Variants in MAP3K1 observed in about 807,000 individuals in gnomAD.
MAP3K1 encodes mitogen-activated protein kinase kinase kinase 1.
MAP3K1 carries 36 observed loss-of-function variants against 144.2 expected under a neutral mutation model. That is an observed-to-expected ratio of 0.25 (90% CI 0.19 to 0.33). MAP3K1 has a LOEUF of 0.33. Among genes scored for constraint, MAP3K1 ranks in the 10% least tolerant of loss-of-function variants. The probability of loss-of-function intolerance (pLI) is 1.00; values close to 1 mark genes in which losing one functional copy is unlikely to be tolerated. For missense variants in MAP3K1, 1,650 were observed against 1,881.9 expected (o/e 0.88, Z 2.28); for synonymous variants, 718 against 688.7 (o/e 1.04, Z -0.67).
Position 56,882,157 on chromosome 5 carries a change from C to G in MAP3K1, c.2957C>G (p.Pro986Arg). ...SQLMFPALSTPSSSTPSVPAG... is the reference protein window; with the variant it reads ...SQLMFPALSTRSSSTPSVPAG... ...TTAATGTTTCCAGCCTTGTCAACCC[C>G]TTCTTCTTCTACCCCATCTGTACCA... Residue 986 changes from proline to arginine, a missense_variant, in exon 14 of 20, where the codon CCT becomes CGT. Pro to Arg is a moderately radical substitution (Grantham distance 103). Around this residue, in one of 6 missense-constraint regions of MAP3K1, gnomAD observed 841 missense variants for 886.5 expected, o/e 0.95. Transcript: ENST00000399503. The G allele has an allele frequency of 6.2e-7, 1 of 1,614,032 alleles. No individual in the cohort carries two copies. Among genetic ancestry groups the G allele is most frequent in the Non-Finnish European group, 8.5e-7 (1 of 1,179,940 alleles).
At position 56,875,342 on chromosome 5, in the gene MAP3K1, A is replaced by G. The variant is rs757341573; in HGVS notation, c.1965+32A>G. The G allele has an allele frequency of 3.1e-6, 5 of 1,611,264 alleles. No individual in the cohort carries two copies. In the South Asian group the frequency reaches 4.4e-5, roughly 14 times the overall value. ...AGCTTTATTCCATAATCATATCATTATGGGTTTGGGGTTTTTTGATGGTTC... is the reference window on the plus strand; with the variant it reads ...AGCTTTATTCCATAATCATATCATTGTGGGTTTGGGGTTTTTTGATGGTTC... On this transcript the variant is annotated intron_variant, in intron 10 of 19. Coordinates refer to ENST00000399503, the MANE Select transcript of MAP3K1 (RefSeq NM_005921.2).
chr5:56,891,150 C>A (rs369721033), intron 19 of MAP3K1, among the ~76,000 whole-genome samples: 188 of 6,508 alleles, frequency 0.029, 1 homozygote, highest in African/African-American at 0.04. Flanking sequence ...ACACACACAC[C>A]CCCCCCCCCC....
chr5:56,882,027 A>G lies in MAP3K1; in HGVS notation c.2827A>G (p.Thr943Ala), dbSNP rs760536840. ...TTCAGTAGGACCTTCTAGTTCAACA[A>G]CAACAACAACAACAACAACAGAGCA... ...SISVGPSSST[T>A]TTTTTTEQPK... The change falls in exon 14 of 20, where the codon ACA (threonine) becomes GCA (alanine). Residue 943 changes from threonine (T) to alanine (A), a missense_variant. Coordinates refer to ENST00000399503, the MANE Select transcript of MAP3K1 (RefSeq NM_005921.2). The G allele has an allele frequency of 1.7e-5, 16 of 967,756 alleles. No homozygotes were observed. The highest frequency in any genetic ancestry group is 2.3e-5 in the Non-Finnish European group (16 of 692,996). 59.9% of individuals were successfully genotyped at this position (967,756 alleles called of 1,614,324 possible). A position where few individuals can be genotyped will look rare whatever the true frequency, so the allele number is the denominator to read the frequency against.
Position 56,815,788 on chromosome 5 carries a change from A to AGCTGCCTGAGCAGCCGC in MAP3K1, c.216_232dup (p.Leu78ArgfsTer113). On this transcript the variant is annotated frameshift_variant, in exon 1 of 20. Coordinates refer to ENST00000399503, the MANE Select transcript of MAP3K1 (RefSeq NM_005921.2). LOFTEE classifies it high-confidence loss of function. ...AAAGTGCGGAGTGTGGAGCTGGACC[A>AGCTGCCTGAGCAGCCGC]GCTGCCTGAGCAGCCGCTCTTCCTT... is the stretch of plus-strand genomic sequence containing the variant. The AGCTGCCTGAGCAGCCGC allele has an allele frequency of 7.0e-7, 1 of 1,420,424 alleles. No homozygotes were observed. Among genetic ancestry groups the AGCTGCCTGAGCAGCCGC allele is most frequent in the Non-Finnish European group, 9.2e-7 (1 of 1,084,042 alleles). 88.0% of individuals were successfully genotyped at this position (1,420,424 alleles called of 1,614,324 possible).
chr5:56,862,748 G>A (rs1036029995), intron 3 of MAP3K1, among the ~76,000 whole-genome samples: 3 of 151,458 alleles, frequency 2.0e-5, no homozygotes, highest in African/African-American at 4.9e-5. Context: ...AAAATGACGT[G>A]TGCATGCATA....
rs1488910216 is a variant in MAP3K1 at position 56,815,825 on chromosome 5, G to T, written c.252G>T (p.Pro84=). The change falls in exon 1 of 20, where the codon CCG becomes CCT. Residue 84 remains proline, a synonymous_variant. Transcript: ENST00000399503. ...AGCCGCTCTTCCTTGCCGCCTCACC[G>T]CCGGCCTCCTCGACTTCCCCGTCGC... The part of the protein sequence containing the change: ...PEQPLFLAAS[P]PASSTSPSPE... The T allele has an allele frequency of 2.8e-6, 4 of 1,416,950 alleles. No individual in the cohort carries two copies. Among genetic ancestry groups the T allele is most frequent in the Non-Finnish European group, 3.7e-6 (4 of 1,081,902 alleles). 87.8% of individuals were successfully genotyped at this position (1,416,950 alleles called of 1,614,324 possible). A position where few individuals can be genotyped will look rare whatever the true frequency, so the allele number is the denominator to read the frequency against.
At chr5:56,885,791 G>T in intron 16 of MAP3K1, 141 bp from the exon 17 acceptor site, 1 of 699,876 alleles carries the variant, frequency 1.4e-6, no homozygotes, top group South Asian at 1.7e-5. Flanking sequence ...GATGATACAG[G>T]AATATGTTAG....
chr5:56,830,752 G>A (rs958275209), intron 1 of MAP3K1, among the ~76,000 whole-genome samples: 4 of 151,912 alleles, frequency 2.6e-5, no homozygotes, highest in African/African-American at 9.7e-5. Context: ...ATACTATTGG[G>A]TTACTTCTGC....
Position 56,879,045 on chromosome 5 carries a change from G to C in MAP3K1, c.2031G>C (p.Gln677His). The C allele has an allele frequency of 6.2e-7, 1 of 1,613,948 alleles. No homozygotes were observed. Among genetic ancestry groups the C allele is most frequent in the Non-Finnish European group, 8.5e-7 (1 of 1,179,894 alleles). Residue 677 changes from glutamine (Q) to histidine (H), a missense_variant, in exon 11 of 20, where the codon CAG (glutamine) becomes CAC (histidine). By Grantham distance (24) the Gln-to-His change is conservative. Transcript: ENST00000399503. ...GTTTAGCGGAAAGAATCAAACTTCA[G>C]AGACTTCTCCAGCCAGTTGTAGACA... ...CHSLAERIKL[Q>H]RLLQPVVDTI...
chr5:56,851,107 C>T (rs1040823110), intron 1 of MAP3K1, among the ~76,000 whole-genome samples: 1 of 104,026 alleles, frequency 9.6e-6, no homozygotes, highest in African/African-American at 3.0e-5. Flanking sequence ...CCACTATGCC[C>T]GGCTAATTTT....
chr5:56,816,001 C>A lies in MAP3K1; in HGVS notation c.428C>A (p.Pro143His). ...GCCTCGAGTCCCGCAGCGGCCGAGC[C>A]CGGGGAGAAGCGGGCGCCCGCCGCC... ...SGASSPAAAE[P>H]GEKRAPAAEP... The change falls in exon 1 of 20, where the codon CCC becomes CAC. Residue 143 changes from proline to histidine, a missense_variant. Pro to His is a moderately conservative substitution (Grantham distance 77, BLOSUM62 -2). This residue lies in a region of MAP3K1 where 360 missense variants were observed against 274.7 expected (regional missense o/e 1.31). Coordinates refer to ENST00000399503, the MANE Select transcript of MAP3K1 (RefSeq NM_005921.2). 1 of 1,230,366 alleles carries A rather than the reference C, an allele frequency of 8.1e-7. No individual in the cohort carries two copies. Among genetic ancestry groups the A allele is most frequent in the Non-Finnish European group, 1.0e-6 (1 of 988,186 alleles). The allele number at this position is 1,230,366 out of a possible 1,614,324, so 76.2% of individuals were successfully genotyped here. A position where few individuals can be genotyped will look rare whatever the true frequency, so the allele number is the denominator to read the frequency against.
chr5:56,830,886 T>G (rs973224192), intron 1 of MAP3K1, among the ~76,000 whole-genome samples: 2 of 136,346 alleles, frequency 1.5e-5, no homozygotes, highest in Non-Finnish European at 3.0e-5. Flanking sequence ...TCATTTACTG[T>G]TTTTTTTTTA....
Position 56,894,073 on chromosome 5 carries a change from CAG to C in MAP3K1, c.*394_*395del. 2 of 339,622 alleles carry C rather than the reference CAG, an allele frequency of 5.9e-6. No homozygotes were observed. The highest frequency in any genetic ancestry group is 4.4e-5 in the Admixed American group (1 of 22,500). 21.0% of individuals were successfully genotyped at this position (339,622 alleles called of 1,614,324 possible). A position where few individuals can be genotyped will look rare whatever the true frequency, so the allele number is the denominator to read the frequency against. On this transcript the variant is annotated 3_prime_UTR_variant, in exon 20 of 20. Transcript: ENST00000399503. ...TTCCATTTCATATAGTGATCACAAG[CAG>C]GGGGTTCTGCAATTCCGTTCAAATT...
intron 16 of MAP3K1, 36 bp from the exon 17 acceptor site, chr5:56,885,896 C>CT: frequency 6.3e-7 from 1 of 1,597,344 alleles, no homozygotes; most frequent in Non-Finnish European, 8.6e-7. Flanking sequence ...TTAATTCTGT[C>CT]TTAAGTTTAT....
intron 3 of MAP3K1, among the ~76,000 whole-genome samples, chr5:56,863,936 A>T (rs1747595239): frequency 6.6e-6 from 1 of 152,116 alleles, no homozygotes; most frequent in Non-Finnish European, 1.5e-5. Flanking sequence ...AGCTTCCACT[A>T]ATTTGTTTTT....
At chr5:56,836,171 C>T (rs1746649715) in intron 1 of MAP3K1, among the ~76,000 whole-genome samples, 2 of 152,160 alleles carry the variant, frequency 1.3e-5, no homozygotes, top group African/African-American at 4.8e-5. Flanking sequence ...CTGTAAAGGA[C>T]CATCCCTATC....
Position 56,815,640 on chromosome 5 carries a change from G to C in MAP3K1, c.67G>C (p.Glu23Gln). The change falls in exon 1 of 20, where the codon GAG becomes CAG. Residue 23 changes from glutamate to glutamine, a missense_variant. By Grantham distance (29) the Glu-to-Gln change is conservative. Around this residue, in one of 6 missense-constraint regions of MAP3K1, gnomAD observed 360 missense variants for 274.7 expected, o/e 1.31. Transcript: ENST00000399503. ...GFPGARATSP[E>Q]AGGGGGALKA... ...CCCGGGCGCCAGGGCTACGAGCCCT[G>C]AGGCAGGCGGCGGCGGAGGAGCCCT... The C allele has an allele frequency of 7.5e-7, 1 of 1,334,228 alleles. No individual in the cohort carries two copies. Among genetic ancestry groups the C allele is most frequent in the Non-Finnish European group, 9.6e-7 (1 of 1,042,916 alleles). 82.6% of individuals were successfully genotyped at this position (1,334,228 alleles called of 1,614,324 possible).
At chr5:56,822,009 A>C (rs188639814) in intron 1 of MAP3K1, among the ~76,000 whole-genome samples, 11 of 151,914 alleles carry the variant, frequency 7.2e-5, no homozygotes, top group African/African-American at 2.7e-4. Context: ...GAGTTTTTGT[A>C]TATCGTTTGG....
chr5:56,818,363 C>CT (rs1320476270), intron 1 of MAP3K1, among the ~76,000 whole-genome samples: 2 of 151,594 alleles, frequency 1.3e-5, no homozygotes, highest in Non-Finnish European at 2.9e-5. Flanking sequence ...TTATGTTTTA[C>CT]TTTTTTTTGA....
Sources: allele counts gnomAD v4.1 joint callset (sites outside exome capture counted in the v4.1 genomes callset), GRCh38; gene constraint gnomAD v4.1.1; regional missense constraint gnomAD v4.1.1; transcripts MANE v1.5; gene names NCBI Gene and HGNC (gene_info 2026-07-23, HGNC 2026-07-21).